SLC24A3: variants seen among roughly 807,000 people sequenced by gnomAD.
SLC24A3 encodes the protein sodium/potassium/calcium exchanger 3.
Under a neutral mutation model 75.8 loss-of-function variants are expected in SLC24A3, and 28 were observed. The observed-to-expected ratio is 0.37, with a 90% CI of 0.27 to 0.51. The LOEUF is 0.51. SLC24A3 is among the 20% of genes least tolerant of loss of function. SLC24A3 has a pLI of 0.94. For synonymous variants in SLC24A3, 372 were observed against 334.1 expected (o/e 1.11, Z -1.24); for missense variants, 663 against 847.8 (o/e 0.78, Z 2.71).
chr20:19,521,638 G>A (rs757014168), intron 3 of SLC24A3, among the ~76,000 whole-genome samples: 1 of 152,176 alleles, frequency 6.6e-6, no homozygotes, highest in African/African-American at 2.4e-5. Context: ...CTTCTTTCTG[G>A]AAGGAGCCTC....
rs907538720 is a variant in SLC24A3, at chr20:19,396,823, G to GA, written c.271+115745dup. Among the ~76,000 whole-genome samples, 12 of 151,402 alleles carry GA rather than the reference G, an allele frequency of 7.9e-5. 1 individual carries two copies. The highest frequency in any genetic ancestry group is 1.9e-4 in the East Asian group (1 of 5,178). On this transcript the variant is annotated intron_variant, in intron 2 of 16. Coordinates refer to ENST00000328041, the MANE Select transcript of SLC24A3 (RefSeq NM_020689.4). ...TGTCAAATCACGGTAATTAGTGCCA[G>GA]AAAAAAAAATGTGTCAAAGCATGCA...
intron 2 of SLC24A3, among the ~76,000 whole-genome samples, chr20:19,357,117 G>A (rs888233384): frequency 1.3e-5 from 2 of 152,156 alleles, no homozygotes; most frequent in East Asian, 3.9e-4. Flanking sequence ...ATCCTTGTAA[G>A]AGAGAGGCAG....
intron 7 of SLC24A3, among the ~76,000 whole-genome samples, chr20:19,661,263 G>A (rs2032323141): frequency 6.6e-6 from 1 of 152,128 alleles, no homozygotes; most frequent in African/African-American, 2.4e-5. Context: ...CTGCCCGTAG[G>A]TCATTTTTTC....
chr20:19,613,768 T>A (rs2031701063), intron 6 of SLC24A3, among the ~76,000 whole-genome samples: 1 of 152,196 alleles, frequency 6.6e-6, no homozygotes, highest in South Asian at 2.1e-4. Flanking sequence ...GATGCCCACC[T>A]CTTCCCCATC....
intron 6 of SLC24A3, among the ~76,000 whole-genome samples, chr20:19,608,797 A>T (rs1298473235): frequency 6.6e-6 from 1 of 152,202 alleles, no homozygotes; most frequent in Non-Finnish European, 1.5e-5. Context: ...TTCACTAATG[A>T]TCTGACCGCT....
chr20:19,219,285 C>T (rs1981645461), intron 1 of SLC24A3, among the ~76,000 whole-genome samples: 1 of 152,112 alleles, frequency 6.6e-6, no homozygotes, highest in Non-Finnish European at 1.5e-5. Flanking sequence ...CTACTCTTAC[C>T]CTTGTAGGCT....
intron 3 of SLC24A3, among the ~76,000 whole-genome samples, chr20:19,572,564 C>T (rs1239191871): frequency 6.6e-6 from 1 of 152,082 alleles, no homozygotes; most frequent in African/African-American, 2.4e-5. Flanking sequence ...AAATCAAAAG[C>T]CTTCAAAGAA....
intron 1 of SLC24A3, among the ~76,000 whole-genome samples, chr20:19,279,925 T>C (rs1017298183): frequency 7.2e-5 from 11 of 151,836 alleles, no homozygotes; most frequent in Non-Finnish European, 7.4e-5. Flanking sequence ...GGCATCTGCC[T>C]ATCTACACGG....
intron 2 of SLC24A3, among the ~76,000 whole-genome samples, chr20:19,504,141 C>T (rs897557221): frequency 1.3e-5 from 2 of 152,144 alleles, no homozygotes; most frequent in East Asian, 1.9e-4. Flanking sequence ...AAGCAATGAA[C>T]ATGAATGAGA....
chr20:19,594,310 G>A (rs895348820), intron 6 of SLC24A3, among the ~76,000 whole-genome samples: 53 of 152,172 alleles, frequency 3.5e-4, no homozygotes, highest in Non-Finnish European at 7.4e-4. Context: ...TCATGCCCTA[G>A]GTCCAAGCAG....
chr20:19,498,377 G>T (rs1295605677), intron 2 of SLC24A3, among the ~76,000 whole-genome samples: 1 of 152,110 alleles, frequency 6.6e-6, no homozygotes, highest in Non-Finnish European at 1.5e-5. Flanking sequence ...TGCCAAAAAG[G>T]TTGGGGACTG....
intron 10 of SLC24A3, 149 bp downstream of exon 10, chr20:19,682,140 A>G (rs1459361844): frequency 1.1e-6 from 1 of 897,474 alleles, no homozygotes; most frequent in Non-Finnish European, 1.7e-6. Context: ...CTGTAATCCC[A>G]GCTGCATGGG....
intron 6 of SLC24A3, among the ~76,000 whole-genome samples, chr20:19,645,036 C>T (rs1027019732): frequency 1.6e-4 from 24 of 152,192 alleles, no homozygotes; most frequent in African/African-American, 5.8e-4. Context: ...GGATTACAGT[C>T]ACCGCAGTTA....
At chr20:19,310,221 C>T (rs1281259792) in intron 2 of SLC24A3, among the ~76,000 whole-genome samples, 1 of 152,110 alleles carries the variant, frequency 6.6e-6, no homozygotes, top group Non-Finnish European at 1.5e-5. Flanking sequence ...CATTCTAAAC[C>T]CTTGCTACTC....
intron 9 of SLC24A3, among the ~76,000 whole-genome samples, chr20:19,677,397 T>C (rs1321786641): frequency 2.0e-5 from 3 of 152,132 alleles, no homozygotes; most frequent in African/African-American, 7.2e-5. Flanking sequence ...CCTGTCGCTC[T>C]ACAGGGCAAG....
Position 19,665,859 on chromosome 20 carries a change from C to G in SLC24A3, c.688-5C>G, listed in dbSNP as rs765233833. 2 of 1,594,484 alleles carry G rather than the reference C, an allele frequency of 1.3e-6. No homozygotes were observed. The highest frequency in any genetic ancestry group is 1.1e-5 in the South Asian group (1 of 89,610). ...TAATCTTCTATTCTTTTTATTTTTT[C>G]ACAGTTTATTTATGATGAAAAAGTT... On this transcript the variant is annotated splice_region_variant and splice_polypyrimidine_tract_variant and intron_variant, in intron 7 of 16. Coordinates refer to ENST00000328041, the MANE Select transcript of SLC24A3 (RefSeq NM_020689.4).
intron 7 of SLC24A3, among the ~76,000 whole-genome samples, chr20:19,656,439 A>T (rs1487492018): frequency 6.6e-6 from 1 of 152,112 alleles, no homozygotes; most frequent in Non-Finnish European, 1.5e-5. Context: ...ACATACATGA[A>T]CTATGTTCTT....
chr20:19,680,323 G>C (rs2032599156), intron 9 of SLC24A3, among the ~76,000 whole-genome samples: 2 of 152,198 alleles, frequency 1.3e-5, no homozygotes, highest in South Asian at 4.1e-4. Context: ...CTTGGCCTAT[G>C]TGTTTCCTAT....
intron 1 of SLC24A3, among the ~76,000 whole-genome samples, chr20:19,226,078 A>G (rs1981860469): frequency 6.6e-6 from 1 of 152,170 alleles, no homozygotes. Context: ...GCCTTTATCA[A>G]ATTGAGTAAT....
Sources: allele counts gnomAD v4.1 joint callset (sites outside exome capture counted in the v4.1 genomes callset), GRCh38; gene constraint gnomAD v4.1.1; transcripts MANE v1.5; gene names NCBI Gene and HGNC (gene_info 2026-07-23, HGNC 2026-07-21).